The following ACSBG2 variants were observed in gnomAD, a reference collection of about 807,000 sequenced individuals.
ACSBG2 encodes acyl-CoA synthetase bubblegum family member 2, also known as long-chain-fatty-acid--CoA ligase ACSBG2.
ACSBG2 carries 62 observed loss-of-function variants against 74.7 expected under a neutral mutation model. The observed-to-expected ratio is 0.83, with a 90% CI of 0.68 to 1.03. ACSBG2 has a LOEUF of 1.03. Ranked by LOEUF, ACSBG2 falls within the 50% of genes least tolerant of loss-of-function variation. The pLI, the probability that ACSBG2 is intolerant of heterozygous loss-of-function variation, is 0.00. For synonymous variants in ACSBG2, 309 were observed against 294.1 expected (o/e 1.05, Z -0.52); for missense variants, 730 against 817.6 (o/e 0.89, Z 1.31).
chr19:6,187,283 A>G lies in ACSBG2; in HGVS notation c.1541A>G (p.Glu514Gly), dbSNP rs1274408332. ...TGTACCAAGCCAAGCTCTGTTCCAG[A>G]AATCCTTATCACTGCTGGTGGTGAA... is the stretch of plus-strand genomic sequence containing the variant. Reference protein sequence around the residue: ...GFLYVTGHIKEILITAGGENV... With the variant: ...GFLYVTGHIKGILITAGGENV... The change falls in exon 12 of 15, where the codon GAA becomes GGA. Residue 514 changes from glutamate (E) to glycine (G), a missense_variant and splice_region_variant. Transcript: ENST00000588485. 4.3e-6 allele frequency: 7 copies of G among 1,613,970 alleles called. No individual in the cohort carries two copies. Among genetic ancestry groups the G allele is most frequent in the Admixed American group, 1.7e-5 (1 of 59,992 alleles).
rs1425841740 is a variant in ACSBG2, at chr19:6,174,022, T to C, written c.739-3207T>C. 2.6e-5 allele frequency among the ~76,000 whole-genome samples: 4 copies of C among 151,044 alleles called. No homozygotes were observed. Among genetic ancestry groups the C allele is most frequent in the Non-Finnish European group, 5.9e-5 (4 of 67,926 alleles). On this transcript the variant is annotated intron_variant, in intron 7 of 14. Transcript: ENST00000588485. This position sits in a 1 kb window ranked among gnomAD's most constrained non-coding sequence, Gnocchi z 4.2. ...CACAATCTCGACTCACTGCAACCTC[T>C]GCCTCCCAATTTCAAGCGATTCCCC...
intron 4 of ACSBG2, among the ~76,000 whole-genome samples, chr19:6,154,126 G>A (rs572212811): frequency 3.3e-5 from 5 of 151,860 alleles, no homozygotes; most frequent in African/African-American, 1.2e-4. Flanking sequence ...TTTTGAGGCC[G>A]GGTGCAGTGG....
intron 13 of ACSBG2, chr19:6,190,047 T>C (rs1453863877): frequency 1.3e-5 from 2 of 154,752 alleles, no homozygotes; most frequent in Non-Finnish European, 2.9e-5. Flanking sequence ...TGTTTTGCCA[T>C]GTTGTCCAGG....
chr19:6,184,866 A>AC, intron 10 of ACSBG2, among the ~76,000 whole-genome samples: 1 of 139,452 alleles, frequency 7.2e-6, no homozygotes, highest in Non-Finnish European at 1.5e-5. Context: ...AAAAAAAAAA[A>AC]AAAAAACGAA....
At chr19:6,147,385 C>T (rs1433196580) in intron 2 of ACSBG2, 61 bp from the exon 3 acceptor site, 45 of 1,434,614 alleles carry the variant, frequency 3.1e-5, no homozygotes, top group Non-Finnish European at 4.2e-5. Context: ...CAACCGCCCC[C>T]CGTCCAAAGT....
At chr19:6,162,410 C>CA (rs1174243351) in intron 6 of ACSBG2, among the ~76,000 whole-genome samples, 4 of 150,434 alleles carry the variant, frequency 2.7e-5, no homozygotes, top group African/African-American at 7.3e-5. Context: ...ATTGAAAATA[C>CA]AAAAAAATTA....
At chr19:6,187,538 T>C in intron 12 of ACSBG2, 61 bp from the exon 13 acceptor site, 2 of 1,607,504 alleles carry the variant, frequency 1.2e-6, no homozygotes, top group Non-Finnish European at 1.7e-6. Context: ...TCTTGGTCTG[T>C]GGGCCTGGGG....
At chr19:6,142,246 T>A (rs2088869750) in intron 2 of ACSBG2, among the ~76,000 whole-genome samples, 1 of 152,166 alleles carries the variant, frequency 6.6e-6, no homozygotes, top group Non-Finnish European at 1.5e-5. Context: ...ATCATCCATG[T>A]AGATAGGGTG....
chr19:6,149,378 C>T (rs2089154632), intron 3 of ACSBG2, among the ~76,000 whole-genome samples: 1 of 152,132 alleles, frequency 6.6e-6, no homozygotes, highest in Admixed American at 6.6e-5. Context: ...AAAGAGCCAA[C>T]AACGTTGGTT....
chr19:6,169,485 C>A (rs2089905210), intron 7 of ACSBG2, among the ~76,000 whole-genome samples: 1 of 152,192 alleles, frequency 6.6e-6, no homozygotes, highest in Admixed American at 6.5e-5. Flanking sequence ...GTTTTAGTTA[C>A]TATAGCCTTG....
rs990723151 is a variant in ACSBG2 at position 6,183,191 on chromosome 19, T to C, written c.1241T>C (p.Ile414Thr). The change falls in exon 10 of 15, where the codon ATA (isoleucine) becomes ACA (threonine). Residue 414 changes from isoleucine to threonine, a missense_variant. Transcript: ENST00000588485. ...ETAEFFLSLDIPIGELYGLSE... is the reference protein window; with the variant it reads ...ETAEFFLSLDTPIGELYGLSE... ...GCCGAGTTCTTTCTAAGCTTGGACATACCTATAGGCGAGTTGTATGGGTTG... is the reference window on the plus strand; with the variant it reads ...GCCGAGTTCTTTCTAAGCTTGGACACACCTATAGGCGAGTTGTATGGGTTG... 2 of 1,614,186 alleles carry C rather than the reference T, an allele frequency of 1.2e-6. No individual in the cohort carries two copies. The highest frequency in any genetic ancestry group is 1.7e-6 in the Non-Finnish European group (2 of 1,180,038).
intron 10 of ACSBG2, among the ~76,000 whole-genome samples, chr19:6,183,541 T>G (rs2090321540): frequency 6.6e-6 from 1 of 152,214 alleles, no homozygotes; most frequent in African/African-American, 2.4e-5. Context: ...GGTCACCGCC[T>G]GTGACCTCAG....
intron 1 of ACSBG2, 52 bp from the exon 2 acceptor site, chr19:6,141,461 C>T: frequency 1.1e-6 from 1 of 901,508 alleles, no homozygotes; most frequent in Non-Finnish European, 1.9e-6. Context: ...TGGCCTCATC[C>T]CTACAGCCCC....
chr19:6,181,827 C>T (rs969097764), intron 8 of ACSBG2, among the ~76,000 whole-genome samples: 17 of 129,044 alleles, frequency 1.3e-4, no homozygotes, highest in Admixed American at 2.4e-4. Context: ...CCCCCCCCAA[C>T]GAAATTTCCT....
chr19:6,148,423 A>C (rs1335578809), intron 3 of ACSBG2: 2 of 152,422 alleles, frequency 1.3e-5, no homozygotes, highest in Non-Finnish European at 2.9e-5. Flanking sequence ...AGGCAGGAGG[A>C]TCACTGAGCC....
intron 13 of ACSBG2, 74 bp from the exon 14 acceptor site, chr19:6,190,510 T>C: frequency 7.7e-7 from 1 of 1,302,090 alleles, no homozygotes; most frequent in Non-Finnish European, 1.1e-6. Flanking sequence ...TGGGACTCTG[T>C]TGCCTGGTCA....
chr19:6,191,206 C>T (rs1168365296), intron 14 of ACSBG2: 1 of 152,782 alleles, frequency 6.5e-6, no homozygotes, highest in Non-Finnish European at 1.5e-5. Context: ...GAGGGAGCCT[C>T]CATGACACCA....
chr19:6,162,868 G>A (rs905701968), intron 6 of ACSBG2, among the ~76,000 whole-genome samples: 3 of 151,794 alleles, frequency 2.0e-5, no homozygotes, highest in African/African-American at 7.3e-5. Flanking sequence ...ATATACCCTG[G>A]TGGGGGGAGG....
In ACSBG2 at chr19:6,183,094, G is replaced by A. The variant is rs938189062; in HGVS notation, c.1144G>A (p.Val382Ile). ...GGCTAAGACTCTCGTGTTCAGCAAA[G>A]TCAAGACATCCCTTGGCTTGGATCA... ...RMAKTLVFSKVKTSLGLDHCH... is the reference protein window; with the variant it reads ...RMAKTLVFSKIKTSLGLDHCH... Residue 382 changes from valine to isoleucine, a missense_variant, in exon 10 of 15, where the codon GTC becomes ATC. Physicochemically the swap from Val to Ile is conservative, Grantham distance 29 (BLOSUM62 3). Transcript: ENST00000588485. 2.0e-5 allele frequency: 33 copies of A among 1,614,082 alleles called. No individual in the cohort carries two copies. Among genetic ancestry groups the A allele is most frequent in the Non-Finnish European group, 2.6e-5 (31 of 1,180,052 alleles).
Sources: gnomAD v4.1 joint callset for allele counts (sites outside exome capture counted in the v4.1 genomes callset) on GRCh38, gnomAD v4.1.1 for gene constraint, Gnocchi (gnomAD v3.1) non-coding constraint, MANE v1.5 for transcripts, NCBI Gene and HGNC (gene_info 2026-07-23, HGNC 2026-07-21) for gene names.